ANKRD28: variants seen among roughly 807,000 people sequenced by gnomAD.
ANKRD28 encodes the protein serine/threonine-protein phosphatase 6 regulatory ankyrin repeat subunit A.
Under a neutral mutation model 126.5 loss-of-function variants are expected in ANKRD28, and 44 were observed. That is an observed-to-expected ratio of 0.35 (90% CI 0.27 to 0.45). The LOEUF (loss-of-function observed/expected upper bound fraction) is 0.45. ANKRD28 is among the 20% of genes least tolerant of loss of function. The pLI is 1.00. For missense variants in ANKRD28, 1,110 were observed against 1,316.6 expected, an observed-to-expected ratio of 0.84 and a Z score of 2.43; for synonymous variants, 442 against 468.5, an observed-to-expected ratio of 0.94 and a Z score of 0.73.
At chr3:15,752,581 T>C (rs1459604713) in intron 3 of ANKRD28, among the ~76,000 whole-genome samples, 1 of 152,222 alleles carries the variant, frequency 6.6e-6, no homozygotes, top group Non-Finnish European at 1.5e-5. Flanking sequence ...AGGATAATTC[T>C]ATTAATATAT....
chr3:15,670,559 A>C lies in ANKRD28; in HGVS notation c.2966-3T>G. Reference sequence around the variant, plus strand: ...ACAGGCCAAAGCTGGGGTATAGCCTAGAATTAAAGATAAAATTTAAAAATT... The same window carrying C: ...ACAGGCCAAAGCTGGGGTATAGCCTCGAATTAAAGATAAAATTTAAAAATT... On this transcript the variant is annotated splice_polypyrimidine_tract_variant and splice_region_variant and intron_variant, in intron 27 of 27. Transcript: ENST00000683139. The C allele has an allele frequency of 6.2e-7, 1 of 1,605,954 alleles. No individual in the cohort carries two copies. The highest frequency in any genetic ancestry group is 8.5e-7 in the Non-Finnish European group (1 of 1,175,096).
At position 15,696,079 on chromosome 3, in the gene ANKRD28, CATT is replaced by C. The variant is rs369644794; in HGVS notation, c.1659+52_1659+54del. The C allele has an allele frequency of 2.1e-5, 25 of 1,189,242 alleles. No homozygotes were observed. In the African/African-American group the frequency reaches 2.9e-4, roughly 14 times the overall value. 73.7% of individuals were successfully genotyped at this position (1,189,242 alleles called of 1,614,324 possible). On this transcript the variant is annotated intron_variant, in intron 15 of 27. Coordinates refer to ENST00000683139, the MANE Select transcript of ANKRD28 (RefSeq NM_001349278.2). ...GATCCATTTATTCTCATTTTTGTTA[CATT>C]ATTAGACTATAAACTCCCATTAGGT...
intron 3 of ANKRD28, among the ~76,000 whole-genome samples, chr3:15,762,621 C>T (rs567662519): frequency 5.3e-5 from 8 of 151,894 alleles, no homozygotes; most frequent in Non-Finnish European, 8.8e-5. Flanking sequence ...CATTTCAGAA[C>T]GTAATAACTG....
intron 2 of ANKRD28, among the ~76,000 whole-genome samples, chr3:15,778,347 G>T (rs1192416517): frequency 6.6e-6 from 1 of 152,142 alleles, no homozygotes; most frequent in East Asian, 1.9e-4. Context: ...GTGTGACTGG[G>T]TTCTCTGCTG....
chr3:15,679,135 C>CTT (rs71809219), intron 23 of ANKRD28, among the ~76,000 whole-genome samples, 166 bp downstream of exon 23: 5 of 144,024 alleles, frequency 3.5e-5, no homozygotes, highest in African/African-American at 1.0e-4. Flanking sequence ...TCATCATGCA[C>CTT]TTTTTTTTTT....
intron 1 of ANKRD28, among the ~76,000 whole-genome samples, chr3:15,805,974 T>A (rs1321439020): frequency 6.6e-6 from 1 of 151,866 alleles, no homozygotes; most frequent in East Asian, 1.9e-4. Context: ...AAAAAAAAAA[T>A]GATTCATGTC....
chr3:15,808,175 T>C (rs921263594), intron 1 of ANKRD28, among the ~76,000 whole-genome samples: 1 of 152,216 alleles, frequency 6.6e-6, no homozygotes, highest in African/African-American at 2.4e-5. Flanking sequence ...TAAGAGAAGT[T>C]AAATTAGCAG....
At chr3:15,742,550 C>T (rs1415812417) in intron 4 of ANKRD28, among the ~76,000 whole-genome samples, 1 of 142,158 alleles carries the variant, frequency 7.0e-6, no homozygotes, top group Non-Finnish European at 1.5e-5. Context: ...GCAGCCACCC[C>T]GTCTGGGAAG....
At position 15,817,516 on chromosome 3, in the gene ANKRD28, G is replaced by A. The variant is rs924690694; in HGVS notation, c.28-22210C>T. ...TCCTAAAAGTTTGTTGTGTGTATCTGTGACAGAGGGAGACAGACAGACATA... is the reference window on the plus strand; with the variant it reads ...TCCTAAAAGTTTGTTGTGTGTATCTATGACAGAGGGAGACAGACAGACATA... On this transcript the variant is annotated intron_variant, in intron 1 of 27. Transcript: ENST00000399451. The surrounding 1 kb of genome is among the most constrained non-coding windows in gnomAD (Gnocchi z 4.5). Among the ~76,000 whole-genome samples the A allele has an allele frequency of 1.3e-5, 2 of 152,156 alleles. No individual in the cohort carries two copies. Among genetic ancestry groups the A allele is most frequent in the Non-Finnish European group, 2.9e-5 (2 of 68,036 alleles).
At position 15,795,167 on chromosome 3, in the gene ANKRD28, G is replaced by A. The variant is rs1025844580; in HGVS notation, c.201+56C>T. 2.5e-6 allele frequency: 3 copies of A among 1,204,496 alleles called. No homozygotes were observed. In the African/African-American group the frequency reaches 4.5e-5, roughly 18 times the overall value. 74.6% of individuals were successfully genotyped at this position (1,204,496 alleles called of 1,614,324 possible). A position where few individuals can be genotyped will look rare whatever the true frequency, so the allele number is the denominator to read the frequency against. Reference sequence around the variant, plus strand: ...TTGTAAACAAAAATCACAATTCTAGGAAAGAATTTTAAAAAGCAGTTTTAA... The same window carrying A: ...TTGTAAACAAAAATCACAATTCTAGAAAAGAATTTTAAAAAGCAGTTTTAA... On this transcript the variant is annotated intron_variant, in intron 2 of 27. Transcript: ENST00000683139.
intron 2 of ANKRD28, among the ~76,000 whole-genome samples, chr3:15,793,985 G>A (rs985337982): frequency 1.3e-5 from 2 of 152,072 alleles, no homozygotes; most frequent in African/African-American, 2.4e-5. Context: ...CAGGAGAATC[G>A]CTTGAACCCG....
chr3:15,727,564 CAAAAAAAAAAA>C (rs59584114), intron 6 of ANKRD28, among the ~76,000 whole-genome samples: 9 of 65,970 alleles, frequency 1.4e-4, no homozygotes, highest in East Asian at 1.1e-3. Flanking sequence ...GAAACTCTGT[CAAAAAAAAAAA>C]AAAAAAAAAA....
intron 4 of ANKRD28, among the ~76,000 whole-genome samples, chr3:15,737,542 G>A (rs1008139949): frequency 4.0e-4 from 5 of 12,438 alleles, no homozygotes; most frequent in African/African-American, 1.0e-3. Context: ...ATAGCTCACC[G>A]TAACTTCAAA....
intron 3 of ANKRD28, among the ~76,000 whole-genome samples, chr3:15,755,721 C>T (rs1029619240): frequency 4.6e-5 from 7 of 152,084 alleles, no homozygotes; most frequent in African/African-American, 1.7e-4. Context: ...TGTCGTTAAC[C>T]GCCTCTGGTG....
At chr3:15,852,834 A>AT (rs1217030426) in intron 1 of ANKRD28, among the ~76,000 whole-genome samples, 1 of 138,630 alleles carries the variant, frequency 7.2e-6, no homozygotes, top group Non-Finnish European at 1.5e-5. Context: ...CTCTGTCTCA[A>AT]AAAAAAAAAA....
In ANKRD28 at chr3:15,854,439, C is replaced by T. The variant is rs1189906376; in HGVS notation, c.27+4938G>A. Among the ~76,000 whole-genome samples the T allele has an allele frequency of 6.6e-6, 1 of 152,176 alleles. No homozygotes were observed. The highest frequency in any genetic ancestry group is 1.5e-5 in the Non-Finnish European group (1 of 68,036). On this transcript the variant is annotated intron_variant, in intron 1 of 27. Coordinates refer to the ANKRD28 transcript ENST00000399451. The surrounding 1 kb of genome is among the most constrained non-coding windows in gnomAD (Gnocchi z 4.1). Reference sequence around the variant, plus strand: ...TACCTCCCCTGCCATGAGGGTTTCCCTCCACTTACAATCAGATTATCTGAT... The same window carrying T: ...TACCTCCCCTGCCATGAGGGTTTCCTTCCACTTACAATCAGATTATCTGAT...
intron 1 of ANKRD28, among the ~76,000 whole-genome samples, chr3:15,844,128 A>C (rs777465626): frequency 6.6e-6 from 1 of 152,218 alleles, no homozygotes; most frequent in Non-Finnish European, 1.5e-5. Flanking sequence ...GGCATGGGAT[A>C]ATTATGCCTA....
chr3:15,698,482 T>C (rs1031115917), intron 14 of ANKRD28, among the ~76,000 whole-genome samples: 1 of 152,214 alleles, frequency 6.6e-6, no homozygotes, highest in African/African-American at 2.4e-5. Context: ...AATGTATATT[T>C]AGAAAACCCC....
At chr3:15,836,265 C>G (rs953942966) in intron 1 of ANKRD28, among the ~76,000 whole-genome samples, 1 of 151,844 alleles carries the variant, frequency 6.6e-6, no homozygotes, top group Non-Finnish European at 1.5e-5. Context: ...TATATGACAA[C>G]AGTAAAAGAG....
Sources: gnomAD v4.1 joint callset for allele counts (sites outside exome capture counted in the v4.1 genomes callset) on GRCh38, gnomAD v4.1.1 for gene constraint, Gnocchi (gnomAD v3.1) non-coding constraint, MANE v1.5 for transcripts, NCBI Gene and HGNC (gene_info 2026-07-23, HGNC 2026-07-21) for gene names.